Variants in KIAA2012 observed in about 807,000 individuals in gnomAD.
KIAA2012 encodes KIAA2012.
A neutral mutation model predicts 150.6 loss-of-function variants in KIAA2012; 125 were observed. That is an observed-to-expected ratio of 0.83 (90% CI 0.72 to 0.96). The LOEUF is 0.96. Among genes scored for constraint, KIAA2012 ranks in the 40% least tolerant of loss-of-function variants. The pLI is 0.00. For missense variants in KIAA2012, 1,219 were observed against 1,354.9 expected, an observed-to-expected ratio of 0.90 and a Z score of 1.57; for synonymous variants, 462 against 504.7, an observed-to-expected ratio of 0.92 and a Z score of 1.13.
At chr2:202,155,749 G>T (rs113417612) in intron 14 of KIAA2012, among the ~76,000 whole-genome samples, 1 of 152,172 alleles carries the variant, frequency 6.6e-6, no homozygotes, top group Non-Finnish European at 1.5e-5. Context: ...GTCACCCTCC[G>T]AATTCCCTGG....
chr2:202,125,925 T>C (rs1298603469), intron 12 of KIAA2012: 10 of 373,460 alleles, frequency 2.7e-5, no homozygotes, highest in Non-Finnish European at 5.0e-5. Flanking sequence ...GTGAGTGGTG[T>C]TCCTGGCTGC....
chr2:202,103,728 A>T (rs888786761), intron 8 of KIAA2012, among the ~76,000 whole-genome samples: 2 of 152,230 alleles, frequency 1.3e-5, no homozygotes, highest in South Asian at 4.1e-4. Context: ...CACAGCAGAG[A>T]TTATGTGCTT....
At chr2:202,133,130 A>ATATATTTTTTTTTTTTTTT (rs1279080237) in intron 12 of KIAA2012, among the ~76,000 whole-genome samples, 1 of 67,790 alleles carries the variant, frequency 1.5e-5, no homozygotes, top group Admixed American at 1.8e-4. Context: ...ATATATATAT[A>ATATATTTTTTTTTTTTTTT]TTTTTTTTTT....
At chr2:202,188,634 G>A (rs879790019) in intron 18 of KIAA2012, among the ~76,000 whole-genome samples, 1 of 152,198 alleles carries the variant, frequency 6.6e-6, no homozygotes, top group Non-Finnish European at 1.5e-5. Flanking sequence ...GGCTGAGCAA[G>A]GTTGGGTGAC....
intron 13 of KIAA2012, among the ~76,000 whole-genome samples, chr2:202,146,893 A>C (rs1374774989): frequency 6.6e-6 from 1 of 152,220 alleles, no homozygotes; most frequent in Non-Finnish European, 1.5e-5. Flanking sequence ...CAGTTTCCTC[A>C]TAGGGTAATA....
chr2:202,099,400 C>CT (rs1401953452), intron 5 of KIAA2012, among the ~76,000 whole-genome samples: 1 of 152,030 alleles, frequency 6.6e-6, no homozygotes, highest in Non-Finnish European at 1.5e-5. Flanking sequence ...TCAGGCATGG[C>CT]TAAGTATCAT....
At chr2:202,078,350 AC>A (rs1182811682) in intron 2 of KIAA2012, among the ~76,000 whole-genome samples, 1 of 152,190 alleles carries the variant, frequency 6.6e-6, no homozygotes, top group Non-Finnish European at 1.5e-5. Context: ...GTGCAGTGGC[AC>A]CATCACAGCA....
At chr2:202,099,589 G>T in intron 5 of KIAA2012, 24 bp from the exon 6 acceptor site, 1 of 1,532,738 alleles carries the variant, frequency 6.5e-7, no homozygotes, top group South Asian at 1.2e-5. Context: ...CTGTTTACAG[G>T]AATGTGTATC....
chr2:202,082,437 G>A (rs1689471073), intron 2 of KIAA2012, among the ~76,000 whole-genome samples: 1 of 151,966 alleles, frequency 6.6e-6, no homozygotes, highest in Non-Finnish European at 1.5e-5. Flanking sequence ...CCCACTCCAT[G>A]GGTTGCCTGC....
At chr2:202,148,984 G>A (rs1048655317) in intron 13 of KIAA2012, among the ~76,000 whole-genome samples, 3 of 152,172 alleles carry the variant, frequency 2.0e-5, no homozygotes, top group Middle Eastern at 3.2e-3. Flanking sequence ...TTTTAGGTCC[G>A]CAGGCTGCCA....
chr2:202,109,587 G>A, intron 9 of KIAA2012, 26 bp from the exon 10 acceptor site: 1 of 1,500,272 alleles, frequency 6.7e-7, no homozygotes, highest in South Asian at 1.3e-5. Flanking sequence ...TTCTCACACA[G>A]GCTTTTTCCC....
chr2:202,129,306 A>G (rs892534285), intron 12 of KIAA2012, among the ~76,000 whole-genome samples: 2 of 150,072 alleles, frequency 1.3e-5, no homozygotes, highest in Non-Finnish European at 3.0e-5. Flanking sequence ...TGCAACCTTC[A>G]TCTCCCAGGT....
intron 2 of KIAA2012, among the ~76,000 whole-genome samples, chr2:202,080,694 C>T (rs1574999621): frequency 2.0e-5 from 1 of 50,420 alleles, no homozygotes; most frequent in Admixed American, 2.8e-4. Context: ...GAAACTCCGT[C>T]TCAAAAAAAA....
At chr2:202,148,156 C>CA (rs2105949092) in intron 13 of KIAA2012, among the ~76,000 whole-genome samples, 1 of 152,290 alleles carries the variant, frequency 6.6e-6, no homozygotes, top group East Asian at 1.9e-4. Flanking sequence ...GAGTTTCATT[C>CA]AGAATTTCCT....
chr2:202,141,437 T>C (rs181711928), intron 13 of KIAA2012, among the ~76,000 whole-genome samples: 16 of 151,934 alleles, frequency 1.1e-4, no homozygotes, highest in African/African-American at 3.6e-4. Context: ...AAGAGAGCAA[T>C]GAAAAAAGAA....
At chr2:202,151,793 A>G (rs1293455946) in intron 13 of KIAA2012, among the ~76,000 whole-genome samples, 3 of 151,982 alleles carry the variant, frequency 2.0e-5, no homozygotes, top group African/African-American at 2.4e-5. Flanking sequence ...ACAGGGCCTT[A>G]CTCTGTTGCC....
intron 13 of KIAA2012, among the ~76,000 whole-genome samples, chr2:202,152,619 T>C (rs1399634166): frequency 6.6e-6 from 1 of 152,206 alleles, no homozygotes; most frequent in African/African-American, 2.4e-5. Context: ...TGAGTCTAGC[T>C]TGGACCAAAT....
chr2:202,179,279 G>T, intron 15 of KIAA2012: 1 of 1,156,760 alleles, frequency 8.6e-7, no homozygotes, highest in East Asian at 2.8e-5. Flanking sequence ...CTTGTGCTTT[G>T]GCTCTTCGGG....
rs1266901024 is a variant in KIAA2012, at chr2:202,194,148, A to C, written c.3015-42A>C. 2.6e-6 allele frequency: 4 copies of C among 1,547,542 alleles called. No homozygotes were observed. In the South Asian group the frequency reaches 4.8e-5, roughly 18 times the overall value. On this transcript the variant is annotated intron_variant, in intron 20 of 23. Transcript: ENST00000498697. ...TTGGCTCATCTCACAAGGATGCCTC[A>C]GTGTTTTCTGCCATTTCCCTGACCA...
Sources: gnomAD v4.1 joint callset for allele counts (sites outside exome capture counted in the v4.1 genomes callset) on GRCh38, gnomAD v4.1.1 for gene constraint, MANE v1.5 for transcripts, NCBI Gene and HGNC (gene_info 2026-07-23, HGNC 2026-07-21) for gene names.